Variants in TLN2 observed in about 807,000 individuals in gnomAD.
TLN2 encodes the protein talin 2.
A neutral mutation model predicts 294.7 loss-of-function variants in TLN2; 118 were observed. That is an observed-to-expected ratio of 0.40 (90% CI 0.34 to 0.47). The LOEUF is 0.47. Ranked by LOEUF, TLN2 falls within the 20% of genes least tolerant of loss-of-function variation. TLN2 has a pLI of 0.84. For synonymous variants in TLN2, 1,431 were observed against 1,304.5 expected (o/e 1.10, Z -2.09); for missense variants, 3,083 against 3,282.2 (o/e 0.94, Z 1.48).
Position 62,795,203 on chromosome 15 carries a change from C to T in TLN2, c.5884-924C>T, listed in dbSNP as rs577533260. On this transcript the variant is annotated intron_variant, in intron 46 of 58. Coordinates refer to ENST00000636159, the MANE Select transcript of TLN2 (RefSeq NM_015059.3). ...TCCTTCACTTTGGCATCTGACGGGG[C>T]AACTAGTTCGGTGGCTGCGGGAGAG... is the stretch of plus-strand genomic sequence containing the variant. 2.0e-5 allele frequency among the ~76,000 whole-genome samples: 3 copies of T among 152,176 alleles called. No individual in the cohort carries two copies. In the South Asian group the frequency reaches 6.2e-4, roughly 32 times the overall value.
chr15:62,683,614 G>A (rs1294780018), intron 11 of TLN2, among the ~76,000 whole-genome samples: 8 of 151,988 alleles, frequency 5.3e-5, no homozygotes, highest in African/African-American at 1.9e-4. Flanking sequence ...AGTTACACAA[G>A]CTGTAGACAT....
chr15:62,788,539 G>A lies in TLN2; in HGVS notation c.5737-4102G>A, dbSNP rs1025524199. ...TCTTGTTTCTCCTCACAACTGCAGT[G>A]AGATAACAATCTTTTTTTCTTCCCC... On this transcript the variant is annotated intron_variant, in intron 45 of 58. Transcript: ENST00000636159. Among the ~76,000 whole-genome samples, 101 of 152,188 alleles carry A rather than the reference G, an allele frequency of 6.6e-4. 2 individuals carry two copies. Among genetic ancestry groups the A allele is most frequent in the Non-Finnish European group, 1.9e-4 (13 of 68,052 alleles).
intron 51 of TLN2, 54 bp from the exon 52 acceptor site, chr15:62,809,871 G>A: frequency 1.3e-6 from 2 of 1,551,580 alleles, no homozygotes; most frequent in South Asian, 2.3e-5. Context: ...GTCTGGGACT[G>A]CCCAATGCTG....
intron 58 of TLN2, 50 bp downstream of exon 58, chr15:62,839,031 GT>G: frequency 6.4e-7 from 1 of 1,570,746 alleles, no homozygotes; most frequent in Non-Finnish European, 8.6e-7. Flanking sequence ...GAGGTGTTGG[GT>G]TATAACAGAG....
At chr15:62,615,184 T>TA (rs1233945300) in intron 2 of TLN2, among the ~76,000 whole-genome samples, 2 of 152,170 alleles carry the variant, frequency 1.3e-5, no homozygotes, top group African/African-American at 2.4e-5. Flanking sequence ...TCTTTATACT[T>TA]AAAAAAATTC....
intron 32 of TLN2, among the ~76,000 whole-genome samples, chr15:62,741,870 A>G (rs566654050): frequency 2.6e-5 from 4 of 151,730 alleles, no homozygotes; most frequent in African/African-American, 9.7e-5. Flanking sequence ...ACTCAGTCGC[A>G]TTGGTCAGGT....
chr15:62,787,267 C>G (rs1383703737), intron 45 of TLN2, among the ~76,000 whole-genome samples: 1 of 152,126 alleles, frequency 6.6e-6, no homozygotes, highest in Non-Finnish European at 1.5e-5. Context: ...CACAAGCTGT[C>G]CCAAGCAAAT....
intron 1 of TLN2, among the ~76,000 whole-genome samples, chr15:62,437,912 A>T (rs1467245338): frequency 6.6e-6 from 1 of 152,202 alleles, no homozygotes; most frequent in Non-Finnish European, 1.5e-5. Flanking sequence ...AACAACTGGC[A>T]ATGCAACGGA....
intron 1 of TLN2, among the ~76,000 whole-genome samples, chr15:62,547,244 G>A (rs2042044720): frequency 6.6e-6 from 1 of 152,156 alleles, no homozygotes; most frequent in Non-Finnish European, 1.5e-5. Flanking sequence ...TACTGTTAAT[G>A]TTGACCCCAA....
Position 62,651,924 on chromosome 15 carries a change from T to G in TLN2, c.235-81T>G. On this transcript the variant is annotated intron_variant, in intron 5 of 58. Transcript: ENST00000636159. The stretch of plus-strand genomic sequence containing the variant: ...GAGTCTACTCTGATTTTTTTAAAAT[T>G]CATTTTTTAAAGAAAAGTGTTCAAG... 2.8e-6 allele frequency: 4 copies of G among 1,425,764 alleles called. No homozygotes were observed. The South Asian group carries it at 7.0e-5, about 25-fold the overall frequency. 88.3% of individuals were successfully genotyped at this position (1,425,764 alleles called of 1,614,324 possible).
chr15:62,756,776 G>C (rs369958127), intron 37 of TLN2, among the ~76,000 whole-genome samples: 1 of 152,082 alleles, frequency 6.6e-6, no homozygotes, highest in African/African-American at 2.4e-5. Flanking sequence ...TCAGTCAACA[G>C]GATGACCAAG....
Position 62,800,355 on chromosome 15 carries a change from T to C in TLN2, c.6235-13T>C. ...TTGACGCCTGCTCACCTGAGTTCTG[T>C]GCTCTCTTTCAGGTGGTTTTGATCA... On this transcript the variant is annotated splice_polypyrimidine_tract_variant and intron_variant, in intron 48 of 58. Transcript: ENST00000636159. The C allele has an allele frequency of 6.2e-7, 1 of 1,612,738 alleles. No homozygotes were observed. Among genetic ancestry groups the C allele is most frequent in the Non-Finnish European group, 8.5e-7 (1 of 1,179,602 alleles).
At chr15:62,677,753 A>C (rs1032582463) in intron 11 of TLN2, among the ~76,000 whole-genome samples, 2 of 146,552 alleles carry the variant, frequency 1.4e-5, no homozygotes, top group Non-Finnish European at 3.0e-5. Flanking sequence ...TTTTTTAAAA[A>C]TTACATCTCT....
chr15:62,455,416 G>A (rs1486651120), intron 1 of TLN2, among the ~76,000 whole-genome samples: 1 of 152,118 alleles, frequency 6.6e-6, no homozygotes, highest in Non-Finnish European at 1.5e-5. Flanking sequence ...ACAAAAAGAT[G>A]GTACAGCGCA....
At chr15:62,790,498 G>T (rs776186857) in intron 45 of TLN2, among the ~76,000 whole-genome samples, 2 of 152,070 alleles carry the variant, frequency 1.3e-5, no homozygotes, top group Non-Finnish European at 2.9e-5. Context: ...CACTTCTCTG[G>T]GTCTGTAAAA....
At position 62,576,802 on chromosome 15, in the gene TLN2, G is replaced by A. The variant is rs1377867749; in HGVS notation, c.-237-12885G>A. 3.9e-5 allele frequency among the ~76,000 whole-genome samples: 6 copies of A among 152,080 alleles called. No individual in the cohort carries two copies. The East Asian group carries it at 1.2e-3, about 29-fold the overall frequency. On this transcript the variant is annotated intron_variant, in intron 1 of 58. Coordinates refer to ENST00000636159, the MANE Select transcript of TLN2 (RefSeq NM_015059.3). ...GAGCTAAGTTACTCTGTCTAGAGGA[G>A]CTGATTCTGGAAATCCGAGGGAAAC...
chr15:62,791,480 T>A (rs937186641), intron 45 of TLN2, among the ~76,000 whole-genome samples: 19 of 151,746 alleles, frequency 1.3e-4, no homozygotes, highest in African/African-American at 4.4e-4. Flanking sequence ...AGGAAGAGAG[T>A]TTTTTCCCTA....
intron 24 of TLN2, 68 bp downstream of exon 24, chr15:62,717,757 C>G: frequency 1.8e-6 from 2 of 1,137,352 alleles, no homozygotes; most frequent in East Asian, 5.7e-5. Flanking sequence ...AACACCAAGT[C>G]CCCTGGTAGT....
At chr15:62,748,583 T>C (rs1235074004) in intron 33 of TLN2, 139 bp downstream of exon 33, 2 of 705,568 alleles carry the variant, frequency 2.8e-6, no homozygotes, top group African/African-American at 3.7e-5. Context: ...GCCTTTTATC[T>C]TTCCTTGGAG....
Sources: allele counts gnomAD v4.1 joint callset (sites outside exome capture counted in the v4.1 genomes callset), GRCh38; gene constraint gnomAD v4.1.1; transcripts MANE v1.5; gene names NCBI Gene and HGNC (gene_info 2026-07-23, HGNC 2026-07-21).